Variants in MYO5C observed in about 807,000 individuals in gnomAD.
MYO5C encodes myosin VC, also known as unconventional myosin-Vc.
A neutral mutation model predicts 235.7 loss-of-function variants in MYO5C; 194 were observed. That is an observed-to-expected ratio of 0.82 (90% confidence interval 0.73 to 0.93). MYO5C has a LOEUF of 0.93. MYO5C is among the 40% of genes least tolerant of loss of function. The pLI, the probability that MYO5C is intolerant of heterozygous loss-of-function variation, is 0.00. For synonymous variants in MYO5C, 707 were observed against 754.8 expected (o/e 0.94, Z 1.04); for missense variants, 2,038 against 2,127.2 (o/e 0.96, Z 0.82).
intron 8 of MYO5C, chr15:52,265,337 T>C (rs1254358871): frequency 2.0e-5 from 3 of 152,064 alleles, no homozygotes; most frequent in African/African-American, 4.8e-5. Context: ...ATCCCCCCAG[T>C]GTGTGTTAAT....
chr15:52,266,586 C>A (rs1363718100), intron 8 of MYO5C, among the ~76,000 whole-genome samples: 2 of 152,204 alleles, frequency 1.3e-5, no homozygotes, highest in Non-Finnish European at 2.9e-5. Flanking sequence ...ATGCTCACTA[C>A]AACCACCCGA....
chr15:52,202,018 A>G (rs978861500), intron 38 of MYO5C, among the ~76,000 whole-genome samples: 2 of 152,058 alleles, frequency 1.3e-5, no homozygotes, highest in Non-Finnish European at 2.9e-5. Context: ...TGAAAACCAG[A>G]AGCAACAAGC....
chr15:52,220,422 G>A (rs1442722493), intron 30 of MYO5C, among the ~76,000 whole-genome samples: 4 of 152,006 alleles, frequency 2.6e-5, no homozygotes, highest in Admixed American at 6.6e-5. Context: ...GCACAACCAC[G>A]GCTCACTTCA....
intron 21 of MYO5C, among the ~76,000 whole-genome samples, chr15:52,238,570 C>T (rs113629384): frequency 6.6e-6 from 1 of 152,202 alleles, no homozygotes; most frequent in Non-Finnish European, 1.5e-5. Flanking sequence ...TTTTACGGAT[C>T]TAGACACTGT....
chr15:52,256,309 A>C (rs2036576064), intron 11 of MYO5C, among the ~76,000 whole-genome samples: 1 of 152,160 alleles, frequency 6.6e-6, no homozygotes, highest in South Asian at 2.1e-4. Context: ...GAAAGCAGCA[A>C]GTGCAAAGAC....
intron 7 of MYO5C, among the ~76,000 whole-genome samples, chr15:52,270,483 T>C (rs2036895151): frequency 6.6e-6 from 1 of 152,090 alleles, no homozygotes; most frequent in African/African-American, 2.4e-5. Flanking sequence ...TACAATAAAC[T>C]GCATATGTTT....
intron 32 of MYO5C, among the ~76,000 whole-genome samples, 189 bp downstream of exon 32, chr15:52,218,330 G>C (rs2035599925): frequency 6.6e-6 from 1 of 152,174 alleles, no homozygotes; most frequent in South Asian, 2.1e-4. Flanking sequence ...AGGCGGGCCT[G>C]TAAGTCCCCA....
At chr15:52,245,774 C>T (rs985157982) in intron 17 of MYO5C, among the ~76,000 whole-genome samples, 182 bp downstream of exon 17, 7 of 152,224 alleles carry the variant, frequency 4.6e-5, no homozygotes, top group Non-Finnish European at 1.0e-4. Context: ...TGTTGACCTC[C>T]GACCCCTACA....
At position 52,205,115 on chromosome 15, in the gene MYO5C, C is replaced by T; in HGVS notation, c.4570G>A (p.Gly1524Ser). 1.2e-6 allele frequency: 2 copies of T among 1,614,158 alleles called. No homozygotes were observed. Among genetic ancestry groups the T allele is most frequent in the Non-Finnish European group, 8.5e-7 (1 of 1,180,028 alleles). Residue 1524 changes from glycine to serine, a missense_variant, in exon 38 of 41, where the codon GGC becomes AGC. Transcript: ENST00000261839. ...PGMLEYESLQ[G>S]ISGLKPTGFR... Reference sequence around the variant, plus strand: ...CCTGTGGGCTTCAGGCCGGAAATGCCCTGCAGGCTCTCATACTCCAGCATT... The same window carrying T: ...CCTGTGGGCTTCAGGCCGGAAATGCTCTGCAGGCTCTCATACTCCAGCATT...
In MYO5C at chr15:52,192,622, G is replaced by A. The variant is rs550005966; in HGVS notation, c.*1280C>T. The A allele has an allele frequency of 2.0e-5, 3 of 152,198 alleles. No individual in the cohort carries two copies. The highest frequency in any genetic ancestry group is 1.9e-4 in the East Asian group (1 of 5,178). The allele number at this position is 152,198 out of a possible 1,614,324, so 9.4% of individuals were successfully genotyped here. Reference sequence around the variant, plus strand: ...GAGACTAGGAGTGCTTATCAAATGAGGTTTTAGGCTCTGAAAGGAAGGAAT... The same window carrying A: ...GAGACTAGGAGTGCTTATCAAATGAAGTTTTAGGCTCTGAAAGGAAGGAAT... On this transcript the variant is annotated 3_prime_UTR_variant, in exon 41 of 41. Coordinates refer to ENST00000261839, the MANE Select transcript of MYO5C (RefSeq NM_018728.4).
intron 24 of MYO5C, among the ~76,000 whole-genome samples, chr15:52,230,856 C>A (rs2035935875): frequency 7.5e-6 from 1 of 133,246 alleles, no homozygotes; most frequent in East Asian, 2.4e-4. Flanking sequence ...GAGACAGGGT[C>A]TCACTCTGTC....
In MYO5C at chr15:52,229,164, G is replaced by A. The variant is rs768580840; in HGVS notation, c.3176C>T (p.Ala1059Val). The change falls in exon 25 of 41, where the codon GCG becomes GTG. Residue 1059 changes from alanine to valine, a missense_variant. Coordinates refer to ENST00000261839, the MANE Select transcript of MYO5C (RefSeq NM_018728.4). ...GEHVTSDGLKAEVARLSKQVK... is the reference protein window; with the variant it reads ...GEHVTSDGLKVEVARLSKQVK... ...CTGCTTGCTCAGGCGGGCCACTTCC[G>A]CCTTCAAGCCATCAGAAGTGACGTG... 5.0e-6 allele frequency: 8 copies of A among 1,614,028 alleles called. No individual in the cohort carries two copies. The highest frequency in any genetic ancestry group is 3.3e-5 in the South Asian group (3 of 91,078).
intron 1 of MYO5C, among the ~76,000 whole-genome samples, chr15:52,288,906 GCCACCCCC>G (rs770407285): frequency 6.6e-6 from 1 of 152,160 alleles, no homozygotes; most frequent in Non-Finnish European, 1.5e-5. Flanking sequence ...GACCATGCCA[GCCACCCCC>G]CCAAGGCACA....
At chr15:52,235,551 T>C (rs1057461593) in intron 23 of MYO5C, 119 bp downstream of exon 23, 51 of 655,600 alleles carry the variant, frequency 7.8e-5, no homozygotes, top group Non-Finnish European at 1.2e-4. Flanking sequence ...TGAGCAAAAA[T>C]TGCCTCACTA....
At chr15:52,252,897 T>C (rs912172995) in intron 12 of MYO5C, among the ~76,000 whole-genome samples, 12 of 152,020 alleles carry the variant, frequency 7.9e-5, no homozygotes, top group Non-Finnish European at 1.3e-4. Flanking sequence ...CAGAGGGAAA[T>C]GGTAAGAAGA....
At chr15:52,262,397 T>C (rs1268152195) in intron 9 of MYO5C, among the ~76,000 whole-genome samples, 1 of 152,220 alleles carries the variant, frequency 6.6e-6, no homozygotes, top group Non-Finnish European at 1.5e-5. Flanking sequence ...CTCAGTGTGA[T>C]GGCATTTGTT....
chr15:52,273,645 A>G (rs1220459668), intron 5 of MYO5C, among the ~76,000 whole-genome samples: 1 of 152,150 alleles, frequency 6.6e-6, no homozygotes. Context: ...GCCTCTCTAG[A>G]ACCTGACCCC....
At chr15:52,290,083 G>A (rs1046178563) in intron 1 of MYO5C, among the ~76,000 whole-genome samples, 3 of 151,836 alleles carry the variant, frequency 2.0e-5, no homozygotes, top group East Asian at 1.9e-4. Flanking sequence ...TCCCTTGAGC[G>A]CTCTCTGCTC....
chr15:52,225,311 C>T (rs1444165370), intron 26 of MYO5C, 128 bp downstream of exon 26: 7 of 1,051,850 alleles, frequency 6.7e-6, no homozygotes, highest in Middle Eastern at 2.0e-4. Flanking sequence ...AGCTATTCAA[C>T]CTATCAACTA....
Sources: gnomAD v4.1 joint callset for allele counts (sites outside exome capture counted in the v4.1 genomes callset) on GRCh38, gnomAD v4.1.1 for gene constraint, MANE v1.5 for transcripts, NCBI Gene and HGNC (gene_info 2026-07-23, HGNC 2026-07-21) for gene names.